The following MEIS2 variants were observed in gnomAD, a reference collection of about 807,000 sequenced individuals.
MEIS2 encodes the protein Meis homeobox 2, also known as homeobox protein Meis2.
MEIS2 carries 9 observed loss-of-function variants against 58.6 expected under a neutral mutation model. That is an observed-to-expected ratio of 0.15 (90% CI 0.09 to 0.27). The LOEUF is 0.27. Ranked by LOEUF, MEIS2 falls within the 10% of genes least tolerant of loss-of-function variation. The pLI, the probability that MEIS2 is intolerant of heterozygous loss-of-function variation, is 1.00. For synonymous variants in MEIS2, 221 were observed against 228.4 expected, an observed-to-expected ratio of 0.97 and a Z score of 0.29; for missense variants, 427 against 635.0, an observed-to-expected ratio of 0.67 and a Z score of 3.52.
intron 1 of MEIS2, chr15:37,099,055 G>A (rs1048000880): frequency 3.9e-5 from 38 of 984,084 alleles, no homozygotes; most frequent in Middle Eastern, 1.0e-3. Context: ...GCCCGTGCCC[G>A]CCCCGAGCCG....
intron 9 of MEIS2, among the ~76,000 whole-genome samples, chr15:36,911,880 C>T (rs1047828735): frequency 3.2e-4 from 48 of 152,268 alleles, no homozygotes; most frequent in Non-Finnish European, 5.9e-5. Flanking sequence ...GAAGAATTGG[C>T]AAAGCAATTC....
chr15:37,011,200 T>C (rs1433118529), intron 8 of MEIS2, among the ~76,000 whole-genome samples: 1 of 152,254 alleles, frequency 6.6e-6, no homozygotes, highest in Non-Finnish European at 1.5e-5. Context: ...TTACTAAATT[T>C]AGATACGTAA....
chr15:36,937,418 T>C (rs994792988), intron 9 of MEIS2, among the ~76,000 whole-genome samples: 3 of 152,216 alleles, frequency 2.0e-5, no homozygotes, highest in African/African-American at 7.2e-5. Flanking sequence ...CTCTTCTGAA[T>C]AGGGGTATCT....
intron 8 of MEIS2, among the ~76,000 whole-genome samples, chr15:36,979,702 T>A (rs940961152): frequency 8.2e-5 from 12 of 146,046 alleles, no homozygotes; most frequent in African/African-American, 2.5e-4. Flanking sequence ...TATATAAAAA[T>A]ATATATAATA....
chr15:36,937,845 G>T (rs989629801), intron 9 of MEIS2, among the ~76,000 whole-genome samples: 3 of 152,016 alleles, frequency 2.0e-5, no homozygotes, highest in African/African-American at 7.2e-5. Context: ...GAAAATTGGG[G>T]GTTGTCTATT....
chr15:36,911,991 C>G (rs1162602533), intron 9 of MEIS2, among the ~76,000 whole-genome samples: 1 of 152,184 alleles, frequency 6.6e-6, no homozygotes, highest in Non-Finnish European at 1.5e-5. Context: ...GCCTGACCCA[C>G]TTATTTAACC....
At position 36,972,687 on chromosome 15, in the gene MEIS2, C is replaced by T. The variant is rs570061760; in HGVS notation, c.901-22287G>A. 11 of 152,316 alleles carry T rather than the reference C, an allele frequency of 7.2e-5. No homozygotes were observed. In the South Asian group the frequency reaches 2.3e-3, roughly 32 times the overall value. 9.4% of individuals were successfully genotyped at this position (152,316 alleles called of 1,614,324 possible). On this transcript the variant is annotated intron_variant, in intron 8 of 11. Coordinates refer to ENST00000561208, the MANE Select transcript of MEIS2 (RefSeq NM_170675.5). ...GGAACCCCAGGGACCAACACCTCTC[C>T]TGGTTTCCAAAAGACCTTAATTTTA...
chr15:36,981,275 T>C (rs2059920274), intron 8 of MEIS2, among the ~76,000 whole-genome samples: 1 of 152,180 alleles, frequency 6.6e-6, no homozygotes, highest in African/African-American at 2.4e-5. Flanking sequence ...TTTTGTAACC[T>C]AATAAACTCA....
At chr15:36,966,520 A>C (rs11852993) in intron 8 of MEIS2, among the ~76,000 whole-genome samples, 67,759 of 151,820 alleles carry the variant, frequency 0.45, 15,527 homozygotes, top group East Asian at 0.63. Context: ...CTTGAAGGAG[A>C]TACTGAATCA....
intron 9 of MEIS2, among the ~76,000 whole-genome samples, chr15:36,932,643 C>A (rs1567070120): frequency 6.6e-6 from 1 of 151,932 alleles, no homozygotes; most frequent in African/African-American, 2.4e-5. Context: ...AGATTGTGGG[C>A]AAAACTGTAT....
intron 7 of MEIS2, among the ~76,000 whole-genome samples, chr15:37,038,833 ACATACACG>A (rs1460668832): frequency 1.3e-5 from 2 of 152,206 alleles, no homozygotes; most frequent in Non-Finnish European, 2.9e-5. Flanking sequence ...AGACACACAC[ACATACACG>A]CACACCCAAG....
At chr15:37,098,868 G>A (rs1007152313) in intron 1 of MEIS2, 6 of 978,236 alleles carry the variant, frequency 6.1e-6, no homozygotes, top group African/African-American at 5.3e-5. Context: ...GGCAGGGAGC[G>A]GAGGGTGGGG....
intron 8 of MEIS2, among the ~76,000 whole-genome samples, chr15:36,977,934 C>T (rs2059812310): frequency 6.6e-6 from 1 of 152,162 alleles, no homozygotes; most frequent in Admixed American, 6.5e-5. Context: ...CTACTATACA[C>T]AAAATACCCT....
At chr15:36,995,987 A>G (rs1207357756) in intron 8 of MEIS2, among the ~76,000 whole-genome samples, 34 of 49,020 alleles carry the variant, frequency 6.9e-4, no homozygotes, top group South Asian at 3.1e-3. Flanking sequence ...ATATATATAT[A>G]TATATATATA....
At position 36,899,086 on chromosome 15, in the gene MEIS2, C is replaced by G. The variant is rs185612105; in HGVS notation, c.978-2400G>C. The stretch of plus-strand genomic sequence containing the variant: ...AGATTTTGCTTTTTTCACTTGGGCA[C>G]CATTTAGCCTCTCTGGATTTTTGTT... On this transcript the variant is annotated intron_variant, in intron 9 of 11. Coordinates refer to ENST00000561208, the MANE Select transcript of MEIS2 (RefSeq NM_170675.5). Among the ~76,000 whole-genome samples, 491 of 152,268 alleles carry G rather than the reference C, an allele frequency of 3.2e-3. 2 individuals are homozygous for G. Among genetic ancestry groups the G allele is most frequent in the African/African-American group, 0.011 (472 of 41,536 alleles).
Position 36,892,274 on chromosome 15 carries a change from G to C in MEIS2, c.1333C>G (p.Pro445Ala). The C allele has an allele frequency of 6.2e-7, 1 of 1,614,006 alleles. No individual in the cohort carries two copies. The highest frequency in any genetic ancestry group is 8.5e-7 in the Non-Finnish European group (1 of 1,179,982). Residue 445 changes from proline (P) to alanine (A), a missense_variant, in exon 12 of 12, where the codon CCT becomes GCT. Pro to Ala is a conservative substitution (Grantham distance 27). Transcript: ENST00000561208. ...HPAMMMHGGPPTHPGMTMSAQ... is the reference protein window; with the variant it reads ...HPAMMMHGGPATHPGMTMSAQ... The stretch of plus-strand genomic sequence containing the variant: ...GACATAGTCATTCCAGGGTGGGTAG[G>C]GGGTCCTCCGTGCATCATCATGGCT...
intron 9 of MEIS2, among the ~76,000 whole-genome samples, chr15:36,941,069 C>A (rs1017803960): frequency 6.6e-6 from 1 of 152,106 alleles, no homozygotes; most frequent in Non-Finnish European, 1.5e-5. Flanking sequence ...CCCATTCCAC[C>A]TAACACAAAC....
chr15:36,967,644 A>C (rs2059399936), intron 8 of MEIS2, among the ~76,000 whole-genome samples: 1 of 152,134 alleles, frequency 6.6e-6, no homozygotes, highest in Admixed American at 6.5e-5. Flanking sequence ...AATATCCCAA[A>C]CTATCTTTCC....
intron 9 of MEIS2, among the ~76,000 whole-genome samples, chr15:36,927,614 C>T (rs1436487316): frequency 2.7e-5 from 4 of 149,116 alleles, no homozygotes; most frequent in Non-Finnish European, 4.4e-5. Flanking sequence ...ACGTTAACAC[C>T]TTTTTCTTTT....
Sources: gnomAD v4.1 joint callset for allele counts (sites outside exome capture counted in the v4.1 genomes callset) on GRCh38, gnomAD v4.1.1 for gene constraint, MANE v1.5 for transcripts, NCBI Gene and HGNC (gene_info 2026-07-23, HGNC 2026-07-21) for gene names.